The following SEMA3E variants were observed in gnomAD, a reference collection of about 807,000 sequenced individuals.
The protein encoded by SEMA3E is semaphorin-3E.
A neutral mutation model predicts 93.6 loss-of-function variants in SEMA3E; 49 were observed. That is an observed-to-expected ratio of 0.52 (90% CI 0.42 to 0.66). SEMA3E has a LOEUF of 0.66. Among genes scored for constraint, SEMA3E ranks in the 30% least tolerant of loss-of-function variants. The probability of loss-of-function intolerance (pLI) is 0.00; values close to 1 mark genes in which losing one functional copy is unlikely to be tolerated. For missense variants in SEMA3E, 906 were observed against 964.8 expected, an observed-to-expected ratio of 0.94 and a Z score of 0.81; for synonymous variants, 363 against 330.7, an observed-to-expected ratio of 1.10 and a Z score of -1.06.
chr7:83,577,586 A>C (rs1792432500), intron 1 of SEMA3E, among the ~76,000 whole-genome samples: 1 of 152,170 alleles, frequency 6.6e-6, no homozygotes, highest in Non-Finnish European at 1.5e-5. Context: ...TGTTTTGCTT[A>C]AATCAATTAT....
chr7:83,461,342 G>A (rs1789612222), intron 4 of SEMA3E, among the ~76,000 whole-genome samples: 1 of 152,004 alleles, frequency 6.6e-6, no homozygotes, highest in African/African-American at 2.4e-5. Flanking sequence ...TTCCTCCCCA[G>A]GCTGCTCCTC....
chr7:83,463,972 T>C (rs1245080391), intron 4 of SEMA3E, among the ~76,000 whole-genome samples: 3 of 151,824 alleles, frequency 2.0e-5, no homozygotes, highest in East Asian at 2.0e-4. Flanking sequence ...AGAGGCCTTT[T>C]CTACAGGGTC....
At chr7:83,601,030 G>T (rs938592836) in intron 1 of SEMA3E, among the ~76,000 whole-genome samples, 14 of 152,208 alleles carry the variant, frequency 9.2e-5, no homozygotes, top group African/African-American at 3.4e-4. Flanking sequence ...GTTGTTTTAA[G>T]AGAGGAGCAG....
At chr7:83,538,269 T>A (rs1791446433) in intron 1 of SEMA3E, among the ~76,000 whole-genome samples, 1 of 152,172 alleles carries the variant, frequency 6.6e-6, no homozygotes, top group African/African-American at 2.4e-5. Flanking sequence ...CCTGCCAGAC[T>A]ATTTTTCAAA....
At chr7:83,553,432 T>C (rs1245271165) in intron 1 of SEMA3E, among the ~76,000 whole-genome samples, 4 of 152,156 alleles carry the variant, frequency 2.6e-5, no homozygotes, top group Non-Finnish European at 4.4e-5. Flanking sequence ...TTTATACATA[T>C]ATACAAACAG....
intron 14 of SEMA3E, among the ~76,000 whole-genome samples, chr7:83,387,785 A>G (rs1415134336): frequency 6.7e-6 from 1 of 148,390 alleles, no homozygotes; most frequent in East Asian, 2.0e-4. Flanking sequence ...AAAAAATACA[A>G]TATTCTGTAT....
At chr7:83,459,842 G>T (rs1789571697) in intron 4 of SEMA3E, among the ~76,000 whole-genome samples, 1 of 152,132 alleles carries the variant, frequency 6.6e-6, no homozygotes, top group South Asian at 2.1e-4. Flanking sequence ...TGCCTTAAGT[G>T]ATGACATTAC....
At chr7:83,543,472 T>G (rs1791580909) in intron 1 of SEMA3E, among the ~76,000 whole-genome samples, 1 of 151,994 alleles carries the variant, frequency 6.6e-6, no homozygotes, top group Admixed American at 6.6e-5. Context: ...AAACTCAAAG[T>G]TGTGTTTTGA....
At chr7:83,460,146 G>A (rs371672785) in intron 4 of SEMA3E, among the ~76,000 whole-genome samples, 10 of 152,262 alleles carry the variant, frequency 6.6e-5, no homozygotes, top group African/African-American at 9.6e-5. Context: ...CAGATCGGGG[G>A]ACCTCCCTTG....
In SEMA3E at chr7:83,466,555, G is replaced by T. The variant is rs749957904; in HGVS notation, c.383C>A (p.Thr128Lys). ...TCCAGTACCACAGGTCAGAAGGTGTGTCCTGTTATAGTGATGCAAAACCCG... is the reference window on the plus strand; with the variant it reads ...TCCAGTACCACAGGTCAGAAGGTGTTTCCTGTTATAGTGATGCAAAACCCG... ...YVRVLHHYNR[T>K]HLLTCGTGAF... The change falls in exon 4 of 17, where the codon ACA (threonine) becomes AAA (lysine). Residue 128 changes from threonine to lysine, a missense_variant. Transcript: ENST00000643230. The T allele has an allele frequency of 3.7e-6, 6 of 1,613,966 alleles. No homozygotes were observed. Among genetic ancestry groups the T allele is most frequent in the Non-Finnish European group, 4.2e-6 (5 of 1,179,970 alleles).
chr7:83,494,705 C>T (rs1790452696), intron 1 of SEMA3E, among the ~76,000 whole-genome samples: 1 of 151,934 alleles, frequency 6.6e-6, no homozygotes, highest in East Asian at 1.9e-4. Context: ...CTTCACTGTA[C>T]TGATTCTAAA....
At chr7:83,630,353 G>T (rs1268455374) in intron 1 of SEMA3E, among the ~76,000 whole-genome samples, 1 of 152,172 alleles carries the variant, frequency 6.6e-6, no homozygotes. Context: ...TGATGAGATT[G>T]TCATATTAAA....
intron 16 of SEMA3E, 74 bp downstream of exon 16, chr7:83,385,220 C>G: frequency 1.3e-6 from 2 of 1,532,544 alleles, no homozygotes; most frequent in Non-Finnish European, 1.8e-6. Flanking sequence ...TTTCAGCATC[C>G]AAATAAATCA....
At chr7:83,617,178 T>C (rs1793387908) in intron 1 of SEMA3E, among the ~76,000 whole-genome samples, 1 of 151,892 alleles carries the variant, frequency 6.6e-6, no homozygotes, top group South Asian at 2.1e-4. Context: ...CACAAATTTC[T>C]TTCTATTATT....
intron 4 of SEMA3E, among the ~76,000 whole-genome samples, chr7:83,434,992 C>T (rs931374130): frequency 2.0e-5 from 3 of 151,986 alleles, no homozygotes; most frequent in Non-Finnish European, 2.9e-5. Flanking sequence ...GGATTACAGG[C>T]GTGAGCCACC....
At chr7:83,560,395 T>C (rs1792006172) in intron 1 of SEMA3E, among the ~76,000 whole-genome samples, 1 of 152,104 alleles carries the variant, frequency 6.6e-6, no homozygotes, top group Non-Finnish European at 1.5e-5. Context: ...AACAAAACAG[T>C]TGTTTTATAA....
chr7:83,595,474 A>G (rs991029883), intron 1 of SEMA3E, among the ~76,000 whole-genome samples: 1 of 152,108 alleles, frequency 6.6e-6, no homozygotes, highest in African/African-American at 2.4e-5. Flanking sequence ...CCATAATGTT[A>G]TTAACTAAAC....
chr7:83,603,771 TG>T (rs1250438602), intron 1 of SEMA3E, among the ~76,000 whole-genome samples: 1 of 152,172 alleles, frequency 6.6e-6, no homozygotes, highest in Non-Finnish European at 1.5e-5. Flanking sequence ...TGTAGAGCTT[TG>T]CATTCTTCTA....
chr7:83,503,808 G>A (rs1042767714), intron 1 of SEMA3E, among the ~76,000 whole-genome samples: 1 of 152,138 alleles, frequency 6.6e-6, no homozygotes, highest in Non-Finnish European at 1.5e-5. Flanking sequence ...CATATAAGTT[G>A]TCTGCCACTG....
Sources: gnomAD v4.1 joint callset for allele counts (sites outside exome capture counted in the v4.1 genomes callset) on GRCh38, gnomAD v4.1.1 for gene constraint, MANE v1.5 for transcripts, NCBI Gene and HGNC (gene_info 2026-07-23, HGNC 2026-07-21) for gene names.